The following GTF2I variants were observed in gnomAD, a reference collection of about 807,000 sequenced individuals.
The protein encoded by GTF2I is general transcription factor IIi.
A neutral mutation model predicts 67.6 loss-of-function variants in GTF2I; 12 were observed. The observed-to-expected ratio is 0.18, with a 90% confidence interval of 0.11 to 0.29. The LOEUF is 0.29. Among genes scored for constraint, GTF2I ranks in the 10% least tolerant of loss-of-function variants. The pLI, the probability that GTF2I is intolerant of heterozygous loss-of-function variation, is 1.00. For synonymous variants in GTF2I, 149 were observed against 197.0 expected (o/e 0.76, Z 2.04); for missense variants, 271 against 580.1 (o/e 0.47, Z 5.47).
intron 8 of GTF2I, among the ~76,000 whole-genome samples, chr7:74,706,653 A>C (rs1377450740): frequency 6.6e-6 from 1 of 152,070 alleles, no homozygotes; most frequent in African/African-American, 2.4e-5. Flanking sequence ...TGCCAGTTAC[A>C]TATGTTTGTA....
At chr7:74,710,740 A>T (rs1371351923) in intron 8 of GTF2I, among the ~76,000 whole-genome samples, 1 of 152,222 alleles carries the variant, frequency 6.6e-6, no homozygotes, top group Non-Finnish European at 1.5e-5. Context: ...ATATTAAGTG[A>T]AAAGGGAGTG....
intron 1 of GTF2I, among the ~76,000 whole-genome samples, chr7:74,680,099 A>AAAAAAAAAAAAAAAAAAAAAATATATAT: frequency 1.1e-5 from 1 of 95,002 alleles, no homozygotes; most frequent in African/African-American, 4.0e-5. Flanking sequence ...AAAAAAAAAA[A>AAAAAAAAAAAAAAAAAAAAAATATATAT]ATATATATAT....
At chr7:74,695,515 C>T (rs1788800272) in intron 3 of GTF2I, among the ~76,000 whole-genome samples, 2 of 152,140 alleles carry the variant, frequency 1.3e-5, no homozygotes, top group South Asian at 4.1e-4. Flanking sequence ...TAAAGTTAAA[C>T]TTCTGATGTC....
At chr7:74,658,935 C>A (rs1403522687) in intron 1 of GTF2I, among the ~76,000 whole-genome samples, 1 of 152,168 alleles carries the variant, frequency 6.6e-6, no homozygotes, top group Non-Finnish European at 1.5e-5. Flanking sequence ...TTTTCTTAAT[C>A]CAGCTTTTGC....
chr7:74,680,556 C>T (rs1787186017), intron 1 of GTF2I, among the ~76,000 whole-genome samples: 1 of 152,004 alleles, frequency 6.6e-6, no homozygotes, highest in Admixed American at 6.6e-5. Context: ...GCCTGCGCAA[C>T]ATAGTGAGAC....
intron 8 of GTF2I, among the ~76,000 whole-genome samples, chr7:74,708,695 A>G (rs961543899): frequency 6.6e-6 from 1 of 152,202 alleles, no homozygotes; most frequent in Non-Finnish European, 1.5e-5. Context: ...AGAGACTCAC[A>G]TGGAGCCAGC....
At chr7:74,671,079 CTTTTTTTTT>C (rs869137920) in intron 1 of GTF2I, among the ~76,000 whole-genome samples, 15 of 61,808 alleles carry the variant, frequency 2.4e-4, no homozygotes, top group South Asian at 8.4e-4. Context: ...TGGGCAGATC[CTTTTTTTTT>C]TTTTTTTTTT....
chr7:74,662,794 T>G (rs1804639343), intron 1 of GTF2I, among the ~76,000 whole-genome samples: 1 of 152,106 alleles, frequency 6.6e-6, no homozygotes, highest in South Asian at 2.1e-4. Flanking sequence ...AGTGTTGGGC[T>G]TACAGGCGCC....
At chr7:74,703,402 CAG>C (rs1308579982) in intron 6 of GTF2I, among the ~76,000 whole-genome samples, 2 of 151,182 alleles carry the variant, frequency 1.3e-5, no homozygotes, top group Admixed American at 1.3e-4. Flanking sequence ...TTTTTTGAGA[CAG>C]AGTCTCGCTG....
intron 8 of GTF2I, among the ~76,000 whole-genome samples, chr7:74,708,806 C>T (rs1470698966): frequency 1.3e-5 from 2 of 152,124 alleles, no homozygotes; most frequent in Non-Finnish European, 2.9e-5. Flanking sequence ...TTTGGCTGCT[C>T]AGCATATATA....
rs782747982 is a variant in GTF2I at position 74,669,782 on chromosome 7, C to T, written c.-6+11714C>T. 2.6e-5 allele frequency among the ~76,000 whole-genome samples: 4 copies of T among 152,104 alleles called. No individual in the cohort carries two copies. In the South Asian group the frequency reaches 6.2e-4, roughly 24 times the overall value. On this transcript the variant is annotated intron_variant, in intron 1 of 34. Coordinates refer to ENST00000573035, the MANE Select transcript of GTF2I (RefSeq NM_032999.4). The stretch of plus-strand genomic sequence containing the variant: ...TCCTGACTTTGTGATCCACTCACTT[C>T]GACCTCCCAAAGTGCGGGGATTACA...
intron 23 of GTF2I, among the ~76,000 whole-genome samples, chr7:74,747,779 C>T (rs1361163854): frequency 4.2e-5 from 1 of 23,994 alleles, no homozygotes; most frequent in Non-Finnish European, 6.9e-5. Flanking sequence ...GCAACAAGAG[C>T]GAAACTTTGT....
intron 6 of GTF2I, 22 bp from the exon 7 acceptor site, chr7:74,705,142 A>ATT: frequency 1.3e-6 from 2 of 1,486,584 alleles, no homozygotes; most frequent in Non-Finnish European, 1.9e-6. Flanking sequence ...AACTAACTCC[A>ATT]ATTTTTTTTT....
intron 1 of GTF2I, among the ~76,000 whole-genome samples, chr7:74,672,366 C>T (rs1554390965): frequency 6.6e-6 from 1 of 152,016 alleles, no homozygotes; most frequent in African/African-American, 2.4e-5. Context: ...CATGGTGAAA[C>T]CCCGTCTCTA....
rs587634864 is a variant in GTF2I, at chr7:74,722,643, G to T, written c.943+3702G>T. The T allele has an allele frequency of 3.3e-5, 5 of 152,154 alleles. No individual in the cohort carries two copies. In the East Asian group the frequency reaches 9.6e-4, roughly 29 times the overall value. The allele number at this position is 152,154 out of a possible 1,614,324, so 9.4% of individuals were successfully genotyped here. ...ATTTTAAGTAAATTCATTTTGTGATGAATTTTACGTCTTCCTAAGTCAAAC... is the reference window on the plus strand; with the variant it reads ...ATTTTAAGTAAATTCATTTTGTGATTAATTTTACGTCTTCCTAAGTCAAAC... On this transcript the variant is annotated intron_variant, in intron 12 of 34. Coordinates refer to ENST00000573035, the MANE Select transcript of GTF2I (RefSeq NM_032999.4).
At chr7:74,710,315 G>A (rs1305781651) in intron 8 of GTF2I, among the ~76,000 whole-genome samples, 1 of 152,052 alleles carries the variant, frequency 6.6e-6, no homozygotes, top group Non-Finnish European at 1.5e-5. Flanking sequence ...GTGCACCCAT[G>A]CATTGTTCAT....
intron 12 of GTF2I, chr7:74,726,381 A>G (rs1481168121): frequency 3.3e-5 from 5 of 152,182 alleles, no homozygotes; most frequent in African/African-American, 9.7e-5. Flanking sequence ...TTTAAAAAGT[A>G]TATTTTCAGA....
At chr7:74,680,736 T>C (rs1026124418) in intron 1 of GTF2I, among the ~76,000 whole-genome samples, 1 of 142,392 alleles carries the variant, frequency 7.0e-6, no homozygotes, top group African/African-American at 2.5e-5. Context: ...TGAGACTTTG[T>C]CTCATAAAAC....
intron 1 of GTF2I, among the ~76,000 whole-genome samples, chr7:74,685,545 T>C (rs1787636995): frequency 6.6e-6 from 1 of 151,964 alleles, no homozygotes; most frequent in South Asian, 2.1e-4. Context: ...GGTAGGTGGA[T>C]AACCTGAAGT....
Sources: gnomAD v4.1 joint callset for allele counts (sites outside exome capture counted in the v4.1 genomes callset) on GRCh38, gnomAD v4.1.1 for gene constraint, MANE v1.5 for transcripts, NCBI Gene and HGNC (gene_info 2026-07-23, HGNC 2026-07-21) for gene names.